Variants in DENND2A observed in about 807,000 individuals in gnomAD.
DENND2A encodes the protein DENN domain containing 2A.
A neutral mutation model predicts 105.3 loss-of-function variants in DENND2A; 53 were observed. The ratio of observed to expected loss-of-function variants is 0.50; its 90% CI spans 0.40 to 0.63. The LOEUF (loss-of-function observed/expected upper bound fraction) is 0.63, where lower values mean the gene tolerates loss of function less well. Among genes scored for constraint, DENND2A ranks in the 30% least tolerant of loss-of-function variants. The pLI is 0.00. For missense variants in DENND2A, 1,138 were observed against 1,279.6 expected, an observed-to-expected ratio of 0.89 and a Z score of 1.69; for synonymous variants, 522 against 508.4, an observed-to-expected ratio of 1.03 and a Z score of -0.36.
At chr7:140,542,756 G>C (rs1796724140) in intron 14 of DENND2A, among the ~76,000 whole-genome samples, 1 of 151,852 alleles carries the variant, frequency 6.6e-6, no homozygotes, top group Non-Finnish European at 1.5e-5. Flanking sequence ...AGTAGAGACG[G>C]GGTTTCACCA....
At chr7:140,606,616 A>T in intron 1 of DENND2A, among the ~76,000 whole-genome samples, 1 of 152,182 alleles carries the variant, frequency 6.6e-6, no homozygotes, top group East Asian at 1.9e-4. Flanking sequence ...CCTTGTCTGC[A>T]GAGCACCCCA....
rs181818799 is a variant in DENND2A, at chr7:140,580,962, A to G, written c.1245+4627T>C. ...ACCCAGCTTGTTATTTTTAAAAAGA[A>G]CATATATTCAAAAGTATAGGCCAGG... On this transcript the variant is annotated intron_variant, in intron 5 of 19. Transcript: ENST00000496613. Among the ~76,000 whole-genome samples the G allele has an allele frequency of 3.6e-3, 546 of 151,774 alleles. 4 individuals carry two copies. Among genetic ancestry groups the G allele is most frequent in the African/African-American group, 0.012 (516 of 41,404 alleles).
chr7:140,572,064 C>T (rs1206896434), intron 6 of DENND2A, among the ~76,000 whole-genome samples: 2 of 152,060 alleles, frequency 1.3e-5, no homozygotes, highest in Non-Finnish European at 2.9e-5. Flanking sequence ...AGTGCAGTGG[C>T]ATGATCATAG....
chr7:140,581,723 C>T (rs755520610), intron 5 of DENND2A, among the ~76,000 whole-genome samples: 2 of 152,138 alleles, frequency 1.3e-5, no homozygotes, highest in East Asian at 1.9e-4. Context: ...TGCAAGGATC[C>T]GTGGCAATCA....
intron 3 of DENND2A, among the ~76,000 whole-genome samples, chr7:140,597,019 T>A (rs1799310127): frequency 6.6e-6 from 1 of 152,014 alleles, no homozygotes; most frequent in South Asian, 2.1e-4. Context: ...GTCCTTGCAT[T>A]TAATTTCCTG....
At chr7:140,603,181 GA>G (rs1412875599) in intron 2 of DENND2A, among the ~76,000 whole-genome samples, 8 of 148,754 alleles carry the variant, frequency 5.4e-5, no homozygotes. Context: ...ACTCACTCAA[GA>G]GATTGAGGCA....
At position 140,620,344 on chromosome 7, in the gene DENND2A, A is replaced by G. The variant is rs1412090535; in HGVS notation, c.-247-14538T>C. The stretch of plus-strand genomic sequence containing the variant: ...CAAAATGAATGAAACAATGTTTAAA[A>G]GGGGTGGGGGGGGGGAGGAGGAATT... On this transcript the variant is annotated intron_variant, in intron 1 of 19. Transcript: ENST00000496613. Among the ~76,000 whole-genome samples, 3 of 93,624 alleles carry G rather than the reference A, an allele frequency of 3.2e-5. No homozygotes were observed. In the Admixed American group the frequency reaches 3.8e-4, roughly 12 times the overall value. The allele number at this position is 93,624 out of a possible 152,430, so 61.4% of individuals were successfully genotyped here. A position where few individuals can be genotyped will look rare whatever the true frequency, so the allele number is the denominator to read the frequency against.
At chr7:140,518,867 G>T in intron 19 of DENND2A, 129 bp from the exon 20 acceptor site, 1 of 755,688 alleles carries the variant, frequency 1.3e-6, no homozygotes, top group Non-Finnish European at 2.3e-6. Flanking sequence ...CTCATCCCTT[G>T]CTCTGGAGAA....
chr7:140,564,861 G>A (rs1224778509), intron 9 of DENND2A, among the ~76,000 whole-genome samples: 6 of 152,218 alleles, frequency 3.9e-5, no homozygotes, highest in East Asian at 1.9e-4. Context: ...AGCCCTTCAC[G>A]CCTCAGTGAT....
Position 140,527,308 on chromosome 7 carries a change from G to A in DENND2A, c.2505+10C>T. 1.3e-6 allele frequency: 2 copies of A among 1,571,110 alleles called. No individual in the cohort carries two copies. The highest frequency in any genetic ancestry group is 1.7e-6 in the Non-Finnish European group (2 of 1,159,282). On this transcript the variant is annotated intron_variant, in intron 15 of 19. Coordinates refer to ENST00000496613, the MANE Select transcript of DENND2A (RefSeq NM_015689.5). This position sits in a 1 kb window ranked among gnomAD's most constrained non-coding sequence, Gnocchi z 4.9. ...TGCAGGGAGGGGGACAGGGCTGAGT[G>A]GGAGCTCACCTCTTCCAGCGGCAGC...
chr7:140,522,403 T>C (rs555837939), intron 17 of DENND2A, among the ~76,000 whole-genome samples: 11 of 152,308 alleles, frequency 7.2e-5, no homozygotes, highest in Admixed American at 7.2e-4. Flanking sequence ...AACCTCTGCC[T>C]CCTGGATTAA....
intron 11 of DENND2A, among the ~76,000 whole-genome samples, chr7:140,557,523 ATATATATATTTT>A (rs1797415493): frequency 3.5e-5 from 1 of 28,650 alleles, no homozygotes; most frequent in African/African-American, 8.2e-5. Context: ...ATATATATAT[ATATATATATTTT>A]TTTTTTTTTT....
chr7:140,550,137 G>T (rs1797065803), intron 12 of DENND2A, among the ~76,000 whole-genome samples: 1 of 41,860 alleles, frequency 2.4e-5, no homozygotes, highest in Non-Finnish European at 8.4e-5. Context: ...ATAGGGGTGG[G>T]GTTAGGGGTG....
chr7:140,569,604 T>C (rs372435783), intron 7 of DENND2A, 41 bp downstream of exon 7: 265 of 1,380,460 alleles, frequency 1.9e-4, no homozygotes, highest in Non-Finnish European at 2.5e-4. Context: ...GAATCTCTTT[T>C]CCGATTCTTG....
At chr7:140,598,283 T>C (rs554804548) in intron 3 of DENND2A, among the ~76,000 whole-genome samples, 20 of 152,298 alleles carry the variant, frequency 1.3e-4, no homozygotes, top group African/African-American at 4.6e-4. Flanking sequence ...GTCCTAATTT[T>C]TAAAACTCTA....
chr7:140,625,917 T>C (rs564740279), intron 1 of DENND2A, among the ~76,000 whole-genome samples: 1 of 152,336 alleles, frequency 6.6e-6, no homozygotes, highest in South Asian at 2.1e-4. Flanking sequence ...TAAGCTGCAA[T>C]GATGAATGAA....
chr7:140,523,480 T>C lies in DENND2A; in HGVS notation c.2548-56A>G. On this transcript the variant is annotated intron_variant, in intron 16 of 19. Transcript: ENST00000496613. This position sits in a 1 kb window ranked among gnomAD's most constrained non-coding sequence, Gnocchi z 4.5. The stretch of plus-strand genomic sequence containing the variant: ...GGGCACGGTGGCTGCGTCTTGGCCA[T>C]AGGACACACTGGAGCCACTGCAGGG... 1 of 1,469,360 alleles carries C rather than the reference T, an allele frequency of 6.8e-7. No homozygotes were observed. The highest frequency in any genetic ancestry group is 1.1e-5 in the South Asian group (1 of 87,894). 91.0% of individuals were successfully genotyped at this position (1,469,360 alleles called of 1,614,324 possible).
intron 5 of DENND2A, among the ~76,000 whole-genome samples, chr7:140,579,728 G>A (rs1404098855): frequency 6.6e-6 from 1 of 152,198 alleles, no homozygotes; most frequent in Non-Finnish European, 1.5e-5. Context: ...CGAGATGTGT[G>A]TGAGAAAATC....
At position 140,541,892 on chromosome 7, in the gene DENND2A, G is replaced by T. The variant is rs150122332; in HGVS notation, c.2327+2726C>A. On this transcript the variant is annotated intron_variant, in intron 14 of 19. Transcript: ENST00000496613. The stretch of plus-strand genomic sequence containing the variant: ...CATCAGAAAGGTGACCAGATGCGGC[G>T]CATGAGGGGAGAGGGTGGGGCCGCT... Among the ~76,000 whole-genome samples the T allele has an allele frequency of 5.3e-5, 8 of 152,330 alleles. No individual in the cohort carries two copies. The East Asian group carries it at 1.5e-3, about 29-fold the overall frequency.
Sources: allele counts gnomAD v4.1 joint callset (sites outside exome capture counted in the v4.1 genomes callset), GRCh38; gene constraint gnomAD v4.1.1; non-coding constraint Gnocchi (gnomAD v3.1); transcripts MANE v1.5; gene names NCBI Gene and HGNC (gene_info 2026-07-23, HGNC 2026-07-21).